CNTLN: variants seen among roughly 807,000 people sequenced by gnomAD.
CNTLN encodes centlein.
CNTLN carries 212 observed loss-of-function variants against 180.0 expected under a neutral mutation model. The ratio of observed to expected loss-of-function variants is 1.18; its 90% confidence interval spans 1.05 to 1.32. The LOEUF is 1.32. CNTLN is among the 40% of genes most tolerant of loss of function. The probability of loss-of-function intolerance (pLI) is 0.00; values close to 1 mark genes in which losing one functional copy is unlikely to be tolerated. For missense variants in CNTLN, 2,095 were observed against 1,610.9 expected (o/e 1.30, Z -5.14); for synonymous variants, 722 against 563.1 (o/e 1.28, Z -3.99).
chr9:17,198,667 T>A (rs540135789), intron 2 of CNTLN, among the ~76,000 whole-genome samples: 3 of 151,768 alleles, frequency 2.0e-5, no homozygotes, highest in African/African-American at 7.3e-5. Context: ...GGTATACATG[T>A]CTCCCTCCCC....
chr9:17,250,766 A>G (rs1406528444), intron 5 of CNTLN, among the ~76,000 whole-genome samples: 1 of 152,060 alleles, frequency 6.6e-6, no homozygotes, highest in Non-Finnish European at 1.5e-5. Context: ...TTGAAATCAT[A>G]TAGGAAATAA....
At chr9:17,212,937 TTC>T (rs537076642) in intron 2 of CNTLN, among the ~76,000 whole-genome samples, 39 of 152,206 alleles carry the variant, frequency 2.6e-4, no homozygotes, top group Admixed American at 5.2e-4. Flanking sequence ...TATTTGATTC[TTC>T]TCTCTTTTCT....
intron 3 of CNTLN, among the ~76,000 whole-genome samples, chr9:17,232,697 G>A (rs1399396344): frequency 6.6e-6 from 1 of 151,968 alleles, no homozygotes. Flanking sequence ...TAACAGTCTA[G>A]TTTGGGAGAT....
chr9:17,429,268 A>C (rs1213870742), intron 18 of CNTLN, among the ~76,000 whole-genome samples: 1 of 152,022 alleles, frequency 6.6e-6, no homozygotes, highest in Non-Finnish European at 1.5e-5. Flanking sequence ...CTTAGCTGTA[A>C]CAGAAGTTCC....
intron 2 of CNTLN, among the ~76,000 whole-genome samples, chr9:17,219,207 T>C (rs1823965416): frequency 6.6e-6 from 1 of 152,078 alleles, no homozygotes; most frequent in African/African-American, 2.4e-5. Context: ...GTCTCAGTCA[T>C]TGATCATCAT....
Position 17,160,035 on chromosome 9 carries a change from A to G in CNTLN, c.449+16659A>G, listed in dbSNP as rs1029655255. Among the ~76,000 whole-genome samples the G allele has an allele frequency of 4.6e-5, 7 of 152,226 alleles. No homozygotes were observed. In the South Asian group the frequency reaches 6.2e-4, roughly 13 times the overall value. On this transcript the variant is annotated intron_variant, in intron 2 of 25. Coordinates refer to ENST00000380647, the MANE Select transcript of CNTLN (RefSeq NM_017738.4). ...TACTGGATCAAAAGATACAATGGCA[A>G]TTGTGATAGAGATTGTGAATTCACT...
chr9:17,487,347 A>G (rs1372002880), intron 25 of CNTLN, among the ~76,000 whole-genome samples: 2 of 152,152 alleles, frequency 1.3e-5, no homozygotes, highest in Non-Finnish European at 2.9e-5. Flanking sequence ...AAAAGGATCC[A>G]TTCTCCCAGA....
chr9:17,486,319 C>T (rs900546652), intron 24 of CNTLN, among the ~76,000 whole-genome samples: 28 of 152,026 alleles, frequency 1.8e-4, no homozygotes, highest in Admixed American at 7.9e-4. Context: ...TAGTTTCTCA[C>T]GCCCTTCCCT....
chr9:17,368,858 G>C (rs997816531), intron 13 of CNTLN, among the ~76,000 whole-genome samples: 6 of 152,174 alleles, frequency 3.9e-5, no homozygotes, highest in African/African-American at 1.4e-4. Flanking sequence ...ATACCGGAAA[G>C]TCTTGGGCTG....
intron 13 of CNTLN, among the ~76,000 whole-genome samples, chr9:17,369,961 T>G (rs1824167300): frequency 6.8e-6 from 1 of 146,506 alleles, no homozygotes; most frequent in African/African-American, 2.6e-5. Flanking sequence ...CACTCCAGCC[T>G]GGTGACAAAG....
At chr9:17,509,288 G>T in the CNTLN span, among the ~76,000 whole-genome samples, 24 of 152,308 alleles carry the variant, frequency 1.6e-4, no homozygotes, top group African/African-American at 5.5e-4. Context: ...CTGGTGGCAT[G>T]TTGATTACAT....
intron 23 of CNTLN, among the ~76,000 whole-genome samples, chr9:17,474,045 A>G (rs917602106): frequency 2.9e-4 from 44 of 152,070 alleles, no homozygotes; most frequent in African/African-American, 1.0e-3. Context: ...GGAGTTTCCT[A>G]GGGTTCAGTC....
At chr9:17,369,333 T>G (rs1824111752) in intron 13 of CNTLN, among the ~76,000 whole-genome samples, 1 of 152,112 alleles carries the variant, frequency 6.6e-6, no homozygotes, top group African/African-American at 2.4e-5. Context: ...TTAAATCTCT[T>G]TCCTTTATTA....
intron 18 of CNTLN, among the ~76,000 whole-genome samples, chr9:17,456,747 C>G (rs1034919534): frequency 6.6e-6 from 1 of 151,972 alleles, no homozygotes; most frequent in African/African-American, 2.4e-5. Context: ...ATGCAAACAC[C>G]CTCTTAAGCA....
At chr9:17,420,342 T>C (rs1828614961) in intron 18 of CNTLN, among the ~76,000 whole-genome samples, 1 of 152,220 alleles carries the variant, frequency 6.6e-6, no homozygotes. Context: ...ATTTTCCAGA[T>C]TATTGGCATA....
chr9:17,316,956 A>C (rs1819579542), intron 8 of CNTLN, among the ~76,000 whole-genome samples: 1 of 152,022 alleles, frequency 6.6e-6, no homozygotes. Flanking sequence ...GTCACAAATT[A>C]CATCTTTATA....
chr9:17,382,652 A>G (rs1354636636), intron 13 of CNTLN, among the ~76,000 whole-genome samples: 10 of 152,170 alleles, frequency 6.6e-5, no homozygotes, highest in Admixed American at 5.9e-4. Context: ...TCTAAAACCC[A>G]TGCAGTATAT....
Position 17,236,389 on chromosome 9 carries a change from C to G in CNTLN, c.670-20C>G, listed in dbSNP as rs1002071042. 1 of 1,541,476 alleles carries G rather than the reference C, an allele frequency of 6.5e-7. No homozygotes were observed. Among genetic ancestry groups the G allele is most frequent in the Non-Finnish European group, 8.7e-7 (1 of 1,150,108 alleles). ...TTTCGTTTTGTTTTATTTATTTGCC[C>G]TTGTGGTACTGTTCTACAGGACACT... On this transcript the variant is annotated intron_variant, in intron 4 of 25. Transcript: ENST00000380647.
chr9:17,508,827 C>T (rs137870790), downstream of CNTLN, among the ~76,000 whole-genome samples: 5 of 152,242 alleles, frequency 3.3e-5, no homozygotes, highest in East Asian at 3.9e-4. Flanking sequence ...TCAAAGGACA[C>T]GTGCAATTAC....
Sources: allele counts gnomAD v4.1 joint callset (sites outside exome capture counted in the v4.1 genomes callset), GRCh38; gene constraint gnomAD v4.1.1; transcripts MANE v1.5; gene names NCBI Gene and HGNC (gene_info 2026-07-23, HGNC 2026-07-21).